Variants in SLC5A7 observed in about 807,000 individuals in gnomAD.
SLC5A7 encodes solute carrier family 5 member 7.
Under a neutral mutation model 55.4 loss-of-function variants are expected in SLC5A7, and 19 were observed. That is an observed-to-expected ratio of 0.34 (90% CI 0.24 to 0.50). SLC5A7 has a LOEUF of 0.50. Among genes scored for constraint, SLC5A7 ranks in the 20% least tolerant of loss-of-function variants. SLC5A7 has a pLI of 0.98. For synonymous variants in SLC5A7, 265 were observed against 263.7 expected (o/e 1.00, Z -0.05); for missense variants, 506 against 705.3 (o/e 0.72, Z 3.20).
chr2:108,007,121 G>T (rs1440963340), intron 7 of SLC5A7, among the ~76,000 whole-genome samples: 1 of 152,038 alleles, frequency 6.6e-6, no homozygotes, highest in East Asian at 1.9e-4. Flanking sequence ...TAACTTTTAA[G>T]AGCACTTAAT....
chr2:107,994,320 A>C (rs1408781625), intron 4 of SLC5A7, among the ~76,000 whole-genome samples: 3 of 152,226 alleles, frequency 2.0e-5, no homozygotes, highest in Non-Finnish European at 4.4e-5. Context: ...GCGGTGGCTC[A>C]CGCCTGTAAT....
At chr2:107,992,437 G>A (rs761786575) in intron 3 of SLC5A7, among the ~76,000 whole-genome samples, 1 of 152,166 alleles carries the variant, frequency 6.6e-6, no homozygotes, top group Non-Finnish European at 1.5e-5. Flanking sequence ...AAAATCCTCT[G>A]GACCTGTGGC....
In SLC5A7 at chr2:107,993,081, A is replaced by C; in HGVS notation, c.402A>C (p.Ala134=). 6.2e-7 allele frequency: 1 copy of C among 1,614,212 alleles called. No individual in the cohort carries two copies. Among genetic ancestry groups the C allele is most frequent in the Non-Finnish European group, 8.5e-7 (1 of 1,180,030 alleles). ...TGGGCGGACTCCTGTTTATTCCTGC[A>C]CTGATGGGAGAAATGTTCTGGGCTG... is the stretch of plus-strand genomic sequence containing the variant. The part of the protein sequence containing the change: ...KRMGGLLFIP[A]LMGEMFWAAA... Residue 134 remains alanine (A), a synonymous_variant, in exon 4 of 9, where the codon GCA becomes GCC. Coordinates refer to ENST00000264047, the MANE Select transcript of SLC5A7 (RefSeq NM_021815.5).
Position 108,012,417 on chromosome 2 carries a change from C to T in SLC5A7, c.*1556C>T, listed in dbSNP as rs973917222. On this transcript the variant is annotated 3_prime_UTR_variant, in exon 9 of 9. Transcript: ENST00000264047. ...AAAATGAAGTTAACTTAGTGTTTAG[C>T]ATTAAAAATAAAAGTTGTACCTTGA... is the stretch of plus-strand genomic sequence containing the variant. 1 of 152,098 alleles carries T rather than the reference C, an allele frequency of 6.6e-6. No individual in the cohort carries two copies. Among genetic ancestry groups the T allele is most frequent in the Non-Finnish European group, 1.5e-5 (1 of 67,996 alleles). 9.4% of individuals were successfully genotyped at this position (152,098 alleles called of 1,614,324 possible).
At chr2:108,007,840 T>C (rs1253800447) in intron 7 of SLC5A7, among the ~76,000 whole-genome samples, 2 of 152,190 alleles carry the variant, frequency 1.3e-5, no homozygotes, top group Non-Finnish European at 2.9e-5. Context: ...AAAGAAGCTA[T>C]GTATTCAAAG....
intron 6 of SLC5A7, among the ~76,000 whole-genome samples, chr2:108,005,628 A>G (rs1024510206): frequency 6.6e-6 from 1 of 152,220 alleles, no homozygotes; most frequent in South Asian, 2.1e-4. Flanking sequence ...TATTTTTCAC[A>G]GTTTTTCACA....
intron 5 of SLC5A7, 67 bp from the exon 6 acceptor site, chr2:108,001,830 C>G (rs1053237911): frequency 1.3e-6 from 2 of 1,569,202 alleles, no homozygotes; most frequent in African/African-American, 2.7e-5. Context: ...GTGAGGTGTA[C>G]AAATCTTGCA....
chr2:108,000,140 C>T (rs568288615), intron 5 of SLC5A7, among the ~76,000 whole-genome samples: 18 of 152,284 alleles, frequency 1.2e-4, no homozygotes, highest in Admixed American at 5.2e-4. Context: ...CTGTCACCAA[C>T]AGATGTGGGT....
intron 8 of SLC5A7, 94 bp from the exon 9 acceptor site, chr2:108,010,138 T>C: frequency 3.5e-6 from 5 of 1,447,560 alleles, no homozygotes; most frequent in Non-Finnish European, 4.7e-6. Flanking sequence ...GAGAATTCTT[T>C]AGACCAGTTT....
Position 108,008,530 on chromosome 2 carries a change from C to T in SLC5A7, c.961C>T (p.Pro321Ser). 1 of 1,613,554 alleles carries T rather than the reference C, an allele frequency of 6.2e-7. No individual in the cohort carries two copies. Among genetic ancestry groups the T allele is most frequent in the Non-Finnish European group, 8.5e-7 (1 of 1,179,816 alleles). Residue 321 changes from proline to serine, a missense_variant, in exon 8 of 9, where the codon CCA becomes TCA. By Grantham distance (74) the Pro-to-Ser change is moderately conservative. Around this residue, in one of 4 missense-constraint regions of SLC5A7, gnomAD observed 309 missense variants for 478.6 expected, o/e 0.65. Coordinates refer to ENST00000264047, the MANE Select transcript of SLC5A7 (RefSeq NM_021815.5). ...TACAGAAGAGGCAGACATGATTTTA[C>T]CAATTGTTCTGCAGTATCTCTGCCC... The part of the protein sequence containing the change: ...KTTEEADMIL[P>S]IVLQYLCPVY...
chr2:108,010,379 C>T lies in SLC5A7; in HGVS notation c.1261C>T (p.Leu421=). 6.2e-7 allele frequency: 1 copy of T among 1,613,956 alleles called. No homozygotes were observed. Among genetic ancestry groups the T allele is most frequent in the Non-Finnish European group, 8.5e-7 (1 of 1,179,948 alleles). ...DLVYIVIFPQ[L]LCVLFVKGTN... is the part of the protein sequence containing the mutation. ...TGTTTACATCGTTATCTTCCCCCAG[C>T]TGCTTTGTGTACTCTTTGTTAAGGG... The change falls in exon 9 of 9, where the codon CTG becomes TTG. Residue 421 remains leucine (L), a synonymous_variant. Transcript: ENST00000264047.
At chr2:108,006,282 CT>C in intron 7 of SLC5A7, 80 bp downstream of exon 7, 1 of 1,488,416 alleles carries the variant, frequency 6.7e-7, no homozygotes, top group Non-Finnish European at 9.3e-7. Flanking sequence ...CCACTCCCCT[CT>C]TTCCTCCACA....
chr2:108,001,848 G>T, intron 5 of SLC5A7, 49 bp from the exon 6 acceptor site: 1 of 1,603,104 alleles, frequency 6.2e-7, no homozygotes, highest in South Asian at 1.1e-5. Context: ...GCATATATCA[G>T]ACAGTTGAAA....
intron 4 of SLC5A7, among the ~76,000 whole-genome samples, chr2:107,997,585 C>G (rs1187423540): frequency 6.6e-6 from 1 of 152,114 alleles, no homozygotes; most frequent in South Asian, 2.1e-4. Flanking sequence ...TATAACCATA[C>G]CATGGATCTG....
rs1029566264 is a variant in SLC5A7, at chr2:107,992,038, G to A, written c.179-68G>A. The A allele has an allele frequency of 6.4e-6, 6 of 931,076 alleles. No individual in the cohort carries two copies. The African/African-American group carries it at 9.7e-5, about 15-fold the overall frequency. 57.7% of individuals were successfully genotyped at this position (931,076 alleles called of 1,614,324 possible). ...GCTCAGTAACTTCTAGTAGCCACTG[G>A]TTTGGCAGGCAGATGTAGGTATAAC... On this transcript the variant is annotated intron_variant, in intron 2 of 8. Transcript: ENST00000264047.
At chr2:107,996,578 G>A (rs1677679491) in intron 4 of SLC5A7, among the ~76,000 whole-genome samples, 1 of 152,122 alleles carries the variant, frequency 6.6e-6, no homozygotes, top group African/African-American at 2.4e-5. Context: ...TCCATTACAT[G>A]TATGCATTTA....
intron 8 of SLC5A7, among the ~76,000 whole-genome samples, 173 bp downstream of exon 8, chr2:108,008,855 A>G (rs1040078046): frequency 2.0e-5 from 3 of 150,766 alleles, no homozygotes; most frequent in Non-Finnish European, 4.4e-5. Flanking sequence ...AATGGATGCT[A>G]TCAGTACCTG....
chr2:108,007,296 T>G (rs562375480), intron 7 of SLC5A7, among the ~76,000 whole-genome samples: 5 of 152,292 alleles, frequency 3.3e-5, no homozygotes, highest in Admixed American at 6.5e-5. Context: ...ATTGGATTGT[T>G]TAACTTTTAG....
intron 5 of SLC5A7, among the ~76,000 whole-genome samples, chr2:108,000,355 A>G (rs972217284): frequency 6.6e-6 from 1 of 152,122 alleles, no homozygotes; most frequent in African/African-American, 2.4e-5. Flanking sequence ...TAAGGAATGG[A>G]TATCTTTCCC....
Sources: gnomAD v4.1 joint callset for allele counts (sites outside exome capture counted in the v4.1 genomes callset) on GRCh38, gnomAD v4.1.1 for gene constraint, gnomAD v4.1.1 regional missense constraint, MANE v1.5 for transcripts, NCBI Gene and HGNC (gene_info 2026-07-23, HGNC 2026-07-21) for gene names.